Variants in NR3C1 observed in about 807,000 individuals in gnomAD.
The protein encoded by NR3C1 is glucocorticoid receptor.
A neutral mutation model predicts 74.0 loss-of-function variants in NR3C1; 14 were observed. The ratio of observed to expected loss-of-function variants is 0.19; its 90% CI spans 0.12 to 0.30. NR3C1 has a LOEUF of 0.30. Ranked by LOEUF, NR3C1 falls within the 10% of genes least tolerant of loss-of-function variation. The pLI is 1.00. For synonymous variants in NR3C1, 308 were observed against 332.5 expected, an observed-to-expected ratio of 0.93 and a Z score of 0.80; for missense variants, 695 against 909.8, an observed-to-expected ratio of 0.76 and a Z score of 3.04.
chr5:143,368,745 G>A (rs1600323212), intron 2 of NR3C1, among the ~76,000 whole-genome samples: 1 of 152,264 alleles, frequency 6.6e-6, no homozygotes, highest in East Asian at 1.9e-4. Context: ...CCAATAGGAT[G>A]GTGTCTTAGT....
intron 1 of NR3C1, among the ~76,000 whole-genome samples, chr5:143,429,488 G>T (rs1370140130): frequency 6.6e-6 from 1 of 152,166 alleles, no homozygotes; most frequent in Non-Finnish European, 1.5e-5. Context: ...TCAGGCAAAA[G>T]AATATTAGGA....
chr5:143,365,703 A>T (rs1271831039), intron 2 of NR3C1, among the ~76,000 whole-genome samples: 1 of 152,368 alleles, frequency 6.6e-6, no homozygotes, highest in East Asian at 1.9e-4. Flanking sequence ...CAGAATACAC[A>T]TTCTTCTCAA....
intron 1 of NR3C1, among the ~76,000 whole-genome samples, chr5:143,417,527 A>G (rs1750971102): frequency 6.6e-6 from 1 of 152,290 alleles, no homozygotes; most frequent in Non-Finnish European, 1.5e-5. Flanking sequence ...AAGGTTAATA[A>G]TATTATCTGC....
intron 2 of NR3C1, chr5:143,333,097 A>G: frequency 1.3e-6 from 2 of 1,594,716 alleles, no homozygotes; most frequent in African/African-American, 2.7e-5. Flanking sequence ...AAGCATTTCC[A>G]GGAGATCTCA....
chr5:143,301,394 A>G (rs1381108851), intron 4 of NR3C1, among the ~76,000 whole-genome samples: 1 of 152,190 alleles, frequency 6.6e-6, no homozygotes, highest in Non-Finnish European at 1.5e-5. Flanking sequence ...GCGTGGGACT[A>G]AAAACATTTG....
chr5:143,312,586 G>A (rs1035415795), intron 3 of NR3C1, among the ~76,000 whole-genome samples: 1 of 152,122 alleles, frequency 6.6e-6, no homozygotes, highest in Non-Finnish European at 1.5e-5. Context: ...TATAATTCTA[G>A]CAGGTATTAA....
chr5:143,298,253 CTT>C (rs1275920332), intron 6 of NR3C1, among the ~76,000 whole-genome samples: 2 of 152,228 alleles, frequency 1.3e-5, no homozygotes, highest in Non-Finnish European at 2.9e-5. Context: ...AGAGATACCT[CTT>C]GTGTCTGGGT....
intron 2 of NR3C1, among the ~76,000 whole-genome samples, chr5:143,332,447 C>T (rs900396470): frequency 6.6e-5 from 10 of 151,552 alleles, no homozygotes; most frequent in East Asian, 5.8e-4. Flanking sequence ...AAATAGCTAA[C>T]GCATGCCGGG....
At chr5:143,338,136 C>A (rs879346451) in intron 2 of NR3C1, among the ~76,000 whole-genome samples, 7 of 152,192 alleles carry the variant, frequency 4.6e-5, no homozygotes, top group Non-Finnish European at 1.0e-4. Context: ...CACTTAGCTG[C>A]AGCTGTGCAT....
chr5:143,367,254 C>A (rs1833403869), intron 2 of NR3C1, among the ~76,000 whole-genome samples: 1 of 152,140 alleles, frequency 6.6e-6, no homozygotes, highest in Non-Finnish European at 1.5e-5. Flanking sequence ...AAACTAGGAA[C>A]AGAAAGGAAC....
At chr5:143,319,509 T>C (rs1352005710) in intron 2 of NR3C1, among the ~76,000 whole-genome samples, 4 of 152,164 alleles carry the variant, frequency 2.6e-5, no homozygotes, top group African/African-American at 9.7e-5. Context: ...CAACTACCAA[T>C]AGAATATTCC....
At position 143,317,484 on chromosome 5, in the gene NR3C1, T is replaced by G. The variant is rs561248287; in HGVS notation, c.1185-3316A>C. ...CCATTATGAACTATTGCTAGGGTGC[T>G]TGCTTTTAAGTGAGGAACCCTTGGA... On this transcript the variant is annotated intron_variant, in intron 2 of 8. Coordinates refer to ENST00000394464, the MANE Select transcript of NR3C1 (RefSeq NM_000176.3). Among the ~76,000 whole-genome samples, 9 of 152,318 alleles carry G rather than the reference T, an allele frequency of 5.9e-5. No homozygotes were observed. The South Asian group carries it at 1.4e-3, about 25-fold the overall frequency.
chr5:143,282,101 G>A, intron 8 of NR3C1, 60 bp from the exon 9 acceptor site: 1 of 1,582,554 alleles, frequency 6.3e-7, no homozygotes, highest in Middle Eastern at 1.7e-4. Flanking sequence ...AACATCTCAT[G>A]TTTGTTGTCC....
intron 2 of NR3C1, among the ~76,000 whole-genome samples, chr5:143,377,313 T>G (rs1835382842): frequency 6.6e-6 from 1 of 152,172 alleles, no homozygotes; most frequent in African/African-American, 2.4e-5. Context: ...ATATGATGGC[T>G]TTTGCAACTT....
At chr5:143,427,605 C>T (rs1237593418) in intron 1 of NR3C1, among the ~76,000 whole-genome samples, 1 of 152,174 alleles carries the variant, frequency 6.6e-6, no homozygotes, top group African/African-American at 2.4e-5. Flanking sequence ...GCTAGCAATA[C>T]CGTTCTTCTG....
At chr5:143,405,866 A>G (rs947353493), upstream of NR3C1, among the ~76,000 whole-genome samples, 2 of 152,166 alleles carry the variant, frequency 1.3e-5, no homozygotes, top group African/African-American at 4.8e-5. Flanking sequence ...TGAGGCTATG[A>G]GAACACTGCT....
intron 1 of NR3C1, among the ~76,000 whole-genome samples, chr5:143,431,312 T>C (rs894786967): frequency 6.6e-6 from 1 of 152,048 alleles, no homozygotes; most frequent in Non-Finnish European, 1.5e-5. Context: ...TCTGAGAAAG[T>C]AGGGTGTTCC....
At chr5:143,354,653 C>T (rs1336639034) in intron 2 of NR3C1, among the ~76,000 whole-genome samples, 2 of 151,936 alleles carry the variant, frequency 1.3e-5, no homozygotes, top group Non-Finnish European at 2.9e-5. Context: ...ATAGTAACAT[C>T]AGGCTGGCAC....
At chr5:143,354,778 C>T (rs891703952) in intron 2 of NR3C1, among the ~76,000 whole-genome samples, 1 of 151,942 alleles carries the variant, frequency 6.6e-6, no homozygotes, top group Admixed American at 6.6e-5. Context: ...CAAAAATTAG[C>T]CAGGCGTGGT....
Sources: gnomAD v4.1 joint callset for allele counts (sites outside exome capture counted in the v4.1 genomes callset) on GRCh38, gnomAD v4.1.1 for gene constraint, MANE v1.5 for transcripts, NCBI Gene and HGNC (gene_info 2026-07-23, HGNC 2026-07-21) for gene names.